The following POU2F1 variants were observed in gnomAD, a reference collection of about 807,000 sequenced individuals.
POU2F1 encodes the protein POU domain, class 2, transcription factor 1.
In POU2F1, 16 loss-of-function variants were observed where a neutral mutation model predicts 84.9. The ratio of observed to expected loss-of-function variants is 0.19; its 90% CI spans 0.13 to 0.29. POU2F1 has a LOEUF of 0.29. POU2F1 is among the 10% of genes least tolerant of loss of function. The pLI is 1.00. For missense variants in POU2F1, 738 were observed against 942.6 expected, an observed-to-expected ratio of 0.78 and a Z score of 2.84; for synonymous variants, 368 against 368.3, an observed-to-expected ratio of 1.00 and a Z score of 0.01.
chr1:167,227,976 C>G (rs1048402226), intron 1 of POU2F1, among the ~76,000 whole-genome samples: 10 of 152,196 alleles, frequency 6.6e-5, no homozygotes, highest in Admixed American at 4.6e-4. Flanking sequence ...AGTCACTTAA[C>G]TATTCAGTAA....
At chr1:167,256,194 A>G (rs535205217) in intron 1 of POU2F1, among the ~76,000 whole-genome samples, 2 of 152,264 alleles carry the variant, frequency 1.3e-5, no homozygotes, top group Admixed American at 6.5e-5. Flanking sequence ...CTGGCCATCA[A>G]CGGGAAGCCT....
chr1:167,401,627 C>T (rs1471905302), intron 13 of POU2F1, 71 bp downstream of exon 13: 2 of 952,904 alleles, frequency 2.1e-6, no homozygotes, highest in Admixed American at 3.4e-5. Flanking sequence ...TAAGAGTCTA[C>T]CATTAAATTG....
chr1:167,304,343 A>G (rs939087639), intron 1 of POU2F1, among the ~76,000 whole-genome samples: 7 of 152,210 alleles, frequency 4.6e-5, no homozygotes, highest in Non-Finnish European at 1.0e-4. Flanking sequence ...TGAGAGTATT[A>G]CTGTCCATTT....
At chr1:167,320,817 C>T (rs1355111110) in intron 1 of POU2F1, among the ~76,000 whole-genome samples, 1 of 152,206 alleles carries the variant, frequency 6.6e-6, no homozygotes, top group Non-Finnish European at 1.5e-5. Context: ...GTAACTCTGC[C>T]TCAGCCTCCT....
chr1:167,231,062 G>A (rs1393445585), intron 1 of POU2F1, among the ~76,000 whole-genome samples: 1 of 152,172 alleles, frequency 6.6e-6, no homozygotes, highest in Non-Finnish European at 1.5e-5. Context: ...TAATGCACCA[G>A]AAAGGCCCTA....
chr1:167,366,247 T>C (rs984870125), intron 3 of POU2F1, among the ~76,000 whole-genome samples: 1 of 152,206 alleles, frequency 6.6e-6, no homozygotes. Flanking sequence ...GGGAGCTAGA[T>C]TATCAGAGTG....
At chr1:167,359,360 C>A (rs1424760850) in intron 2 of POU2F1, among the ~76,000 whole-genome samples, 2 of 152,124 alleles carry the variant, frequency 1.3e-5, no homozygotes, top group African/African-American at 4.8e-5. Flanking sequence ...TTCCCTTCCC[C>A]CTTTTGGAAT....
chr1:167,343,263 G>C (rs1168403867), intron 2 of POU2F1, among the ~76,000 whole-genome samples: 2 of 152,078 alleles, frequency 1.3e-5, no homozygotes, highest in Admixed American at 6.5e-5. Flanking sequence ...ATAAGCAATT[G>C]ATCTTTTTGC....
intron 2 of POU2F1, among the ~76,000 whole-genome samples, chr1:167,334,443 T>A (rs1488226066): frequency 2.6e-5 from 4 of 152,176 alleles, no homozygotes; most frequent in Non-Finnish European, 5.9e-5. Context: ...TACCATTATT[T>A]CAAATTATAG....
chr1:167,274,843 C>T (rs1571210751), intron 1 of POU2F1, among the ~76,000 whole-genome samples: 1 of 152,176 alleles, frequency 6.6e-6, no homozygotes, highest in East Asian at 1.9e-4. Context: ...TTAATGACAG[C>T]ATTTCCATCT....
At chr1:167,256,577 CTG>C (rs1651158492) in intron 1 of POU2F1, among the ~76,000 whole-genome samples, 1 of 152,194 alleles carries the variant, frequency 6.6e-6, no homozygotes, top group African/African-American at 2.4e-5. Flanking sequence ...AAGTGAGTAA[CTG>C]AAAGTCATGC....
At chr1:167,390,257 T>C (rs1290195037) in intron 9 of POU2F1, among the ~76,000 whole-genome samples, 5 of 152,234 alleles carry the variant, frequency 3.3e-5, no homozygotes, top group African/African-American at 1.2e-4. Flanking sequence ...GCATTTTTAA[T>C]GTATGGTTTA....
At chr1:167,354,259 G>A (rs1300032760) in intron 2 of POU2F1, among the ~76,000 whole-genome samples, 1 of 151,942 alleles carries the variant, frequency 6.6e-6, no homozygotes, top group Non-Finnish European at 1.5e-5. Flanking sequence ...GATACATATT[G>A]TGAAAAAGTC....
In POU2F1 at chr1:167,358,737, T is replaced by TTTTTTTTTTTTTTTTTTTTTTTG. The variant is rs71097670; in HGVS notation, c.128-6730_128-6729insTTTTTTTTTTTTTTTTTTTTTTG. On this transcript the variant is annotated intron_variant, in intron 2 of 15. Coordinates refer to ENST00000367866, the MANE Select transcript of POU2F1 (RefSeq NM_002697.4). ...GCAGCTTTTTTTTTTTTTTTTTTTT[T>TTTTTTTTTTTTTTTTTTTTTTTG]GAGACAGGTTCTGACTGTGCTGCTC... is the stretch of plus-strand genomic sequence containing the variant. 1.6e-4 allele frequency among the ~76,000 whole-genome samples: 14 copies of TTTTTTTTTTTTTTTTTTTTTTTG among 88,772 alleles called. 2 individuals carry two copies. The highest frequency in any genetic ancestry group is 2.5e-4 in the Non-Finnish European group (11 of 44,896). The allele number at this position is 88,772 out of a possible 152,430, so 58.2% of individuals were successfully genotyped here.
At position 167,415,643 on chromosome 1, in the gene POU2F1, C is replaced by G. The variant is rs1650251258; in HGVS notation, c.2134C>G (p.Pro712Ala). ...GAACCTCTCTCTGCTCACCAGCAAC[C>G]CTGTTAGCTTGGTCTCTGCCGCCGC... ...PQNLSLLTSNPVSLVSAAAAS... is the reference protein window; with the variant it reads ...PQNLSLLTSNAVSLVSAAAAS... The change falls in exon 16 of 16, where the codon CCT becomes GCT. Residue 712 changes from proline to alanine, a missense_variant. Pro to Ala is a conservative substitution (Grantham distance 27). Coordinates refer to ENST00000367866, the MANE Select transcript of POU2F1 (RefSeq NM_002697.4). The G allele has an allele frequency of 1.2e-6, 2 of 1,614,216 alleles. No individual in the cohort carries two copies. The highest frequency in any genetic ancestry group is 1.7e-6 in the Non-Finnish European group (2 of 1,180,038).
rs181929269 is a variant in POU2F1, at chr1:167,282,556, G to A, written c.62-49914G>A. ...TTAAATATGAGGACCTTCATAATGT[G>A]GTCCTTGTCTATCTTTCCAGCCTCT... On this transcript the variant is annotated intron_variant, in intron 1 of 15. Transcript: ENST00000367866. Among the ~76,000 whole-genome samples, 193 of 152,224 alleles carry A rather than the reference G, an allele frequency of 1.3e-3. 3 individuals carry two copies. The highest frequency in any genetic ancestry group is 4.4e-4 in the Non-Finnish European group (30 of 68,012).
chr1:167,324,422 T>TAAAA (rs1656549053), intron 1 of POU2F1, among the ~76,000 whole-genome samples: 1 of 147,262 alleles, frequency 6.8e-6, no homozygotes, highest in African/African-American at 2.7e-5. Context: ...GTAAAAATCT[T>TAAAA]TTGAGTTTTT....
intron 1 of POU2F1, among the ~76,000 whole-genome samples, chr1:167,250,368 T>C (rs907090291): frequency 3.9e-5 from 6 of 152,218 alleles, no homozygotes; most frequent in Non-Finnish European, 7.3e-5. Context: ...ATTATTACTT[T>C]GCTTTTTGTT....
intron 1 of POU2F1, among the ~76,000 whole-genome samples, chr1:167,298,455 T>G (rs1037297975): frequency 3.9e-5 from 6 of 152,164 alleles, no homozygotes; most frequent in East Asian, 3.9e-4. Context: ...TAAATTTTTT[T>G]TCTGTTTCCT....
Sources: allele counts gnomAD v4.1 joint callset (sites outside exome capture counted in the v4.1 genomes callset), GRCh38; gene constraint gnomAD v4.1.1; transcripts MANE v1.5; gene names NCBI Gene and HGNC (gene_info 2026-07-23, HGNC 2026-07-21).